The following SYN3 variants were observed in gnomAD, a reference collection of about 807,000 sequenced individuals.
The protein encoded by SYN3 is synapsin III.
Under a neutral mutation model 65.8 loss-of-function variants are expected in SYN3, and 35 were observed. The observed-to-expected ratio is 0.53, with a 90% CI of 0.41 to 0.70. The LOEUF (loss-of-function observed/expected upper bound fraction) is 0.70, where lower values mean the gene tolerates loss of function less well. SYN3 is among the 30% of genes least tolerant of loss of function. The pLI, the probability that SYN3 is intolerant of heterozygous loss-of-function variation, is 0.00. For missense variants in SYN3, 680 were observed against 749.0 expected (o/e 0.91, Z 1.08); for synonymous variants, 270 against 292.9 (o/e 0.92, Z 0.80).
At chr22:32,990,167 G>A (rs760192047) in intron 2 of SYN3, among the ~76,000 whole-genome samples, 4 of 152,214 alleles carry the variant, frequency 2.6e-5, no homozygotes, top group Non-Finnish European at 5.9e-5. Flanking sequence ...GATATTGTGT[G>A]TCTTGTTTGG....
intron 4 of SYN3, among the ~76,000 whole-genome samples, chr22:32,927,844 T>C (rs2050516690): frequency 6.6e-6 from 1 of 152,318 alleles, no homozygotes; most frequent in African/African-American, 2.4e-5. Context: ...CCATCATTCA[T>C]AAAAGATGTT....
intron 5 of SYN3, among the ~76,000 whole-genome samples, chr22:32,868,427 T>C (rs2048747971): frequency 6.6e-6 from 1 of 151,672 alleles, no homozygotes; most frequent in African/African-American, 2.4e-5. Flanking sequence ...TATTAACGTA[T>C]ATGCATTTAT....
At chr22:32,780,078 A>AAAAAAAAG (rs1359453939) in intron 6 of SYN3, among the ~76,000 whole-genome samples, 4 of 52,668 alleles carry the variant, frequency 7.6e-5, no homozygotes, top group African/African-American at 1.8e-4. Flanking sequence ...CAAAAAAAAA[A>AAAAAAAAG]AGAGAGAGAA....
At chr22:32,628,650 A>T (rs1411102940) in intron 6 of SYN3, among the ~76,000 whole-genome samples, 2 of 152,054 alleles carry the variant, frequency 1.3e-5, no homozygotes, top group East Asian at 3.9e-4. Context: ...CCGGAGGCTG[A>T]GGCAGGAGAA....
chr22:32,615,460 G>GAAAA (rs2059505912), intron 6 of SYN3, among the ~76,000 whole-genome samples: 2 of 132,556 alleles, frequency 1.5e-5, no homozygotes, highest in African/African-American at 5.9e-5. Flanking sequence ...AAGAAAAAAA[G>GAAAA]AAAGAAAACT....
chr22:32,882,095 AG>A (rs2049158116), intron 4 of SYN3, among the ~76,000 whole-genome samples: 1 of 149,830 alleles, frequency 6.7e-6, no homozygotes. Flanking sequence ...CCTGGGAGAC[AG>A]GGGAGGGCAG....
chr22:32,694,708 TG>T (rs1271275457), intron 6 of SYN3, among the ~76,000 whole-genome samples: 1 of 152,214 alleles, frequency 6.6e-6, no homozygotes, highest in Admixed American at 6.5e-5. Context: ...GCATGGATTT[TG>T]GTATGTGTGG....
chr22:32,782,763 C>T (rs1386280029), intron 6 of SYN3, among the ~76,000 whole-genome samples: 6 of 152,114 alleles, frequency 3.9e-5, no homozygotes, highest in East Asian at 1.9e-4. Context: ...ATGATCCGCC[C>T]GCGTCAGCCT....
chr22:32,528,104 G>T, intron 11 of SYN3, 99 bp from the exon 12 acceptor site: 1 of 931,202 alleles, frequency 1.1e-6, no homozygotes. Context: ...TCATTGAGAA[G>T]AGACTCTTAC....
chr22:32,912,509 A>G (rs2050077833), intron 4 of SYN3, among the ~76,000 whole-genome samples: 1 of 152,070 alleles, frequency 6.6e-6, no homozygotes, highest in South Asian at 2.1e-4. Flanking sequence ...TGAAGCCAGG[A>G]GTTTGAGACA....
At chr22:32,522,406 A>T (rs1428932276) in intron 12 of SYN3, among the ~76,000 whole-genome samples, 1 of 152,212 alleles carries the variant, frequency 6.6e-6, no homozygotes, top group Non-Finnish European at 1.5e-5. Context: ...AGAATACAGT[A>T]GCTCTCTGTT....
chr22:32,747,684 C>T (rs2044980041), intron 6 of SYN3, among the ~76,000 whole-genome samples: 1 of 152,182 alleles, frequency 6.6e-6, no homozygotes, highest in African/African-American at 2.4e-5. Flanking sequence ...CTGAACCACC[C>T]ACCATGCTGC....
chr22:32,880,691 G>A (rs2146413992), intron 4 of SYN3, among the ~76,000 whole-genome samples: 1 of 152,288 alleles, frequency 6.6e-6, no homozygotes, highest in East Asian at 1.9e-4. Context: ...GAACTGACCA[G>A]CATTTACACT....
rs1348318739 is a variant in SYN3 at position 32,518,079 on chromosome 22, T to C, written c.1574A>G (p.Glu525Gly). The C allele has an allele frequency of 6.5e-6, 10 of 1,539,366 alleles. No homozygotes were observed. Among genetic ancestry groups the C allele is most frequent in the African/African-American group, 5.5e-5 (4 of 72,248 alleles). Residue 525 changes from glutamate (E) to glycine (G), a missense_variant, in exon 13 of 14, where the codon GAG becomes GGG. By Grantham distance (98) the Glu-to-Gly change is moderately conservative. Transcript: ENST00000358763. The stretch of plus-strand genomic sequence containing the variant: ...ATGGGGTGGTGCTGGCTTCTTGGAC[T>C]CTTCACCCTGCTGGGAGGTACTACG... ...QGRSTSQQGE[E>G]SKKPAPPHPH...
intron 1 of SYN3, among the ~76,000 whole-genome samples, chr22:33,046,641 G>C (rs914848860): frequency 6.6e-6 from 1 of 152,028 alleles, no homozygotes; most frequent in Non-Finnish European, 1.5e-5. Context: ...AGGAGCTCGA[G>C]ACCAGCCTGG....
At chr22:32,822,851 A>G (rs751485750) in intron 6 of SYN3, among the ~76,000 whole-genome samples, 11 of 152,250 alleles carry the variant, frequency 7.2e-5, no homozygotes, top group East Asian at 1.9e-4. Flanking sequence ...GTAGTTCTCT[A>G]TTGATGCCAG....
intron 6 of SYN3, among the ~76,000 whole-genome samples, chr22:32,789,697 A>T (rs906044663): frequency 2.0e-5 from 3 of 152,180 alleles, no homozygotes; most frequent in African/African-American, 7.2e-5. Context: ...TTTAATCCAA[A>T]AATTTGTTGA....
chr22:32,573,689 C>T (rs938109165), intron 7 of SYN3, among the ~76,000 whole-genome samples: 1 of 151,210 alleles, frequency 6.6e-6, no homozygotes, highest in Non-Finnish European at 1.5e-5. Flanking sequence ...CAGCAGCCCC[C>T]GAGAGGAAGT....
chr22:32,758,499 G>T (rs919736383), intron 6 of SYN3, among the ~76,000 whole-genome samples: 3 of 150,312 alleles, frequency 2.0e-5, no homozygotes, highest in African/African-American at 7.4e-5. Context: ...AATGTGAAAA[G>T]ACAAGACTGG....
Sources: allele counts gnomAD v4.1 joint callset (sites outside exome capture counted in the v4.1 genomes callset), GRCh38; gene constraint gnomAD v4.1.1; transcripts MANE v1.5; gene names NCBI Gene and HGNC (gene_info 2026-07-23, HGNC 2026-07-21).